EPM2A: variants seen among roughly 807,000 people sequenced by gnomAD.
EPM2A encodes EPM2A glucan phosphatase, laforin, also known as laforin.
A neutral mutation model predicts 26.5 loss-of-function variants in EPM2A; 21 were observed. That is an observed-to-expected ratio of 0.79 (90% CI 0.56 to 1.14). The LOEUF is 1.14. Ranked by LOEUF, EPM2A falls within the 50% of genes most tolerant of loss-of-function variation. EPM2A has a pLI of 0.00. For missense variants in EPM2A, 458 were observed against 440.8 expected, an observed-to-expected ratio of 1.04 and a Z score of -0.35; for synonymous variants, 217 against 177.6, an observed-to-expected ratio of 1.22 and a Z score of -1.76.
At position 145,490,325 on chromosome 6, in the gene EPM2A, C is replaced by T. The variant is rs1313131281; in HGVS notation, c.555+12197G>A. On this transcript the variant is annotated intron_variant, in intron 4 of 4. Transcript: ENST00000638717. ...GTCCCAGCTGTTAAACACACTGTTG[C>T]AGACATGGCATTTATAGAGCTTCTT... 6 of 1,467,896 alleles carry T rather than the reference C, an allele frequency of 4.1e-6. No individual in the cohort carries two copies. In the Admixed American group the frequency reaches 6.4e-5, roughly 16 times the overall value. The allele number at this position is 1,467,896 out of a possible 1,614,324, so 90.9% of individuals were successfully genotyped here. A position where few individuals can be genotyped will look rare whatever the true frequency, so the allele number is the denominator to read the frequency against.
chr6:145,608,560 A>C (rs973508010), intron 2 of EPM2A, among the ~76,000 whole-genome samples: 2 of 152,090 alleles, frequency 1.3e-5, no homozygotes, highest in African/African-American at 4.8e-5. Context: ...AAATGTTCCT[A>C]TTTCATCCTT....
At chr6:145,543,902 T>C (rs1780548609) in intron 2 of EPM2A, among the ~76,000 whole-genome samples, 1 of 152,194 alleles carries the variant, frequency 6.6e-6, no homozygotes, top group Non-Finnish European at 1.5e-5. Context: ...TAAAGGAACA[T>C]TGAACGTGGG....
chr6:145,420,896 C>T (rs1451166507), intron 4 of EPM2A, among the ~76,000 whole-genome samples: 1 of 152,006 alleles, frequency 6.6e-6, no homozygotes, highest in Admixed American at 6.6e-5. Flanking sequence ...GAAACGCACT[C>T]CCAAGATAAC....
intron 2 of EPM2A, among the ~76,000 whole-genome samples, chr6:145,650,640 C>T (rs1777823597): frequency 2.0e-5 from 3 of 151,908 alleles, no homozygotes; most frequent in Admixed American, 1.3e-4. Context: ...CTATTTGATT[C>T]TTAAAGGATA....
chr6:145,505,298 G>A (rs1779955828), intron 2 of EPM2A, among the ~76,000 whole-genome samples: 1 of 151,910 alleles, frequency 6.6e-6, no homozygotes. Context: ...AAAGGTGCAT[G>A]AATAGTACAT....
At chr6:145,387,281 T>C (rs1476438548) in intron 4 of EPM2A, among the ~76,000 whole-genome samples, 2 of 152,154 alleles carry the variant, frequency 1.3e-5, no homozygotes, top group Non-Finnish European at 2.9e-5. Context: ...CAACACCTTC[T>C]ACATCTCAAA....
downstream of EPM2A, among the ~76,000 whole-genome samples, chr6:145,496,882 C>A (rs553523606): frequency 6.6e-6 from 1 of 151,950 alleles, no homozygotes; most frequent in Admixed American, 6.5e-5. Context: ...GGACTACAGG[C>A]GCCCGCCACC....
chr6:145,429,492 A>G (rs995477761), intron 4 of EPM2A, among the ~76,000 whole-genome samples: 2 of 152,126 alleles, frequency 1.3e-5, no homozygotes, highest in African/African-American at 2.4e-5. Context: ...TAATTAAAAA[A>G]CTTTAATTTC....
chr6:145,723,566 TAG>T (rs1283315387), intron 1 of EPM2A, among the ~76,000 whole-genome samples: 1 of 152,124 alleles, frequency 6.6e-6, no homozygotes, highest in Non-Finnish European at 1.5e-5. Context: ...TTAAAATCAG[TAG>T]AGATTTCTGT....
chr6:145,597,298 T>TA (rs1318769843), intron 2 of EPM2A, among the ~76,000 whole-genome samples: 1 of 152,206 alleles, frequency 6.6e-6, no homozygotes, highest in African/African-American at 2.4e-5. Flanking sequence ...GATAAATTCT[T>TA]AGAGACTTTA....
chr6:145,706,921 G>T (rs918787625), intron 1 of EPM2A, among the ~76,000 whole-genome samples: 42 of 152,284 alleles, frequency 2.8e-4, no homozygotes, highest in African/African-American at 9.9e-4. Flanking sequence ...AAATGATTAA[G>T]TCATGAGGGC....
intron 1 of EPM2A, 38 bp downstream of exon 1, chr6:145,735,160 C>G: frequency 6.9e-7 from 1 of 1,441,558 alleles, no homozygotes; most frequent in South Asian, 1.3e-5. Flanking sequence ...GGCCGGAGCT[C>G]CCGCTCTGCG....
chr6:145,723,652 G>T (rs1776055013), intron 1 of EPM2A, among the ~76,000 whole-genome samples: 1 of 152,004 alleles, frequency 6.6e-6, no homozygotes, highest in Non-Finnish European at 1.5e-5. Flanking sequence ...TTGAATAAAG[G>T]GCAGTACAGG....
At chr6:145,443,411 A>C (rs187296372) in intron 4 of EPM2A, among the ~76,000 whole-genome samples, 272 of 152,288 alleles carry the variant, frequency 1.8e-3, no homozygotes, top group African/African-American at 5.8e-3. Context: ...TTCTTTGAGC[A>C]GTGTTTTTTA....
At chr6:145,521,747 G>A (rs935770863) in intron 2 of EPM2A, among the ~76,000 whole-genome samples, 2 of 152,162 alleles carry the variant, frequency 1.3e-5, no homozygotes, top group African/African-American at 2.4e-5. Flanking sequence ...GAGGGAATGA[G>A]CTGGAAATAT....
downstream of EPM2A, among the ~76,000 whole-genome samples, chr6:145,498,538 C>A (rs1779849571): frequency 6.6e-6 from 1 of 152,194 alleles, no homozygotes; most frequent in South Asian, 2.1e-4. Context: ...GATCTCCTGA[C>A]ACGAGAGTTT....
downstream of EPM2A, among the ~76,000 whole-genome samples, chr6:145,621,347 T>C (rs1258319561): frequency 1.3e-5 from 2 of 152,210 alleles, no homozygotes; most frequent in Admixed American, 6.5e-5. Flanking sequence ...TCATCTGTCA[T>C]TGGATACTTA....
In EPM2A at chr6:145,627,412, C is replaced by A; in HGVS notation, c.*4G>T. ...TCAGGAGGGGGCAGAAGCAGGCTGA[C>A]CAGCTACAGGCTACACACAGAAGAA... is the stretch of plus-strand genomic sequence containing the variant. On this transcript the variant is annotated 3_prime_UTR_variant, in exon 4 of 4. Transcript: ENST00000367519. 1 of 1,614,150 alleles carries A rather than the reference C, an allele frequency of 6.2e-7. No homozygotes were observed. Among genetic ancestry groups the A allele is most frequent in the Non-Finnish European group, 8.5e-7 (1 of 1,180,046 alleles).
intron 2 of EPM2A, among the ~76,000 whole-genome samples, chr6:145,583,046 A>C (rs528956928): frequency 6.6e-6 from 1 of 152,002 alleles, no homozygotes; most frequent in African/African-American, 2.4e-5. Flanking sequence ...TTTGTCTTTC[A>C]TTTCCCGTCT....
Sources: allele counts gnomAD v4.1 joint callset (sites outside exome capture counted in the v4.1 genomes callset), GRCh38; gene constraint gnomAD v4.1.1; transcripts MANE v1.5; gene names NCBI Gene and HGNC (gene_info 2026-07-23, HGNC 2026-07-21).